GALNT13: variants seen among roughly 807,000 people sequenced by gnomAD.
GALNT13 encodes UDP-GalNAc:polypeptide N-acetylgalactosaminyltransferase 13.
In GALNT13, 28 loss-of-function variants were observed where a neutral mutation model predicts 64.2. That is an observed-to-expected ratio of 0.44 (90% CI 0.32 to 0.60). The LOEUF (loss-of-function observed/expected upper bound fraction) is 0.60, where lower values mean the gene tolerates loss of function less well. Among genes scored for constraint, GALNT13 ranks in the 20% least tolerant of loss-of-function variants. The pLI, the probability that GALNT13 is intolerant of heterozygous loss-of-function variation, is 0.05. For synonymous variants in GALNT13, 214 were observed against 224.6 expected (o/e 0.95, Z 0.42); for missense variants, 577 against 669.8 (o/e 0.86, Z 1.53).
the GALNT13 span, among the ~76,000 whole-genome samples, chr2:153,677,284 T>TACATACACACAC: frequency 1.4e-5 from 2 of 144,764 alleles, no homozygotes; most frequent in African/African-American, 5.1e-5. Flanking sequence ...ACAATAGACA[T>TACATACACACAC]ACACACACAC....
At chr2:153,188,021 A>T in the GALNT13 span, among the ~76,000 whole-genome samples, 1 of 152,062 alleles carries the variant, frequency 6.6e-6, no homozygotes, top group African/African-American at 2.4e-5. Flanking sequence ...CATGATTTTT[A>T]AAATATCACC....
At chr2:154,212,401 G>A (rs1349168792) in intron 4 of GALNT13, among the ~76,000 whole-genome samples, 2 of 151,812 alleles carry the variant, frequency 1.3e-5, no homozygotes, top group Non-Finnish European at 2.9e-5. Flanking sequence ...TCGCCACCAC[G>A]CCCGGCTAAC....
chr2:153,103,057 C>A, the GALNT13 span, among the ~76,000 whole-genome samples: 1 of 152,116 alleles, frequency 6.6e-6, no homozygotes, highest in Non-Finnish European at 1.5e-5. Context: ...CACCTCCCTC[C>A]CCACCCTTCA....
At chr2:153,384,963 G>C in the GALNT13 span, among the ~76,000 whole-genome samples, 1 of 152,016 alleles carries the variant, frequency 6.6e-6, no homozygotes, top group Non-Finnish European at 1.5e-5. Context: ...CATGTGGATT[G>C]CCACTGTTCA....
chr2:154,405,921 A>T (rs774350260), intron 10 of GALNT13, among the ~76,000 whole-genome samples: 1 of 152,110 alleles, frequency 6.6e-6, no homozygotes, highest in African/African-American at 2.4e-5. Context: ...AAGAGGGGGA[A>T]AATCCCAGAT....
the GALNT13 span, among the ~76,000 whole-genome samples, chr2:153,502,628 T>C: frequency 2.6e-3 from 390 of 152,352 alleles, 5 homozygotes; most frequent in Non-Finnish European, 1.5e-3. Context: ...TTGGATCAAA[T>C]GTTAGATCTA....
intron 4 of GALNT13, among the ~76,000 whole-genome samples, chr2:154,143,893 C>T (rs900070261): frequency 4.9e-5 from 7 of 141,926 alleles, no homozygotes; most frequent in African/African-American, 1.8e-4. Flanking sequence ...AAAAGAATCT[C>T]TTAGCTCTAG....
the GALNT13 span, among the ~76,000 whole-genome samples, chr2:153,147,378 A>G: frequency 1.3e-5 from 2 of 151,786 alleles, no homozygotes; most frequent in African/African-American, 4.8e-5. Context: ...CTTAGCAACT[A>G]AAACAGCAAA....
chr2:153,393,042 A>G, the GALNT13 span, among the ~76,000 whole-genome samples: 2 of 152,052 alleles, frequency 1.3e-5, no homozygotes, highest in Admixed American at 6.6e-5. Context: ...TTCCAGAAGT[A>G]TAAGAAATAA....
At chr2:153,161,761 T>G in the GALNT13 span, among the ~76,000 whole-genome samples, 8 of 152,198 alleles carry the variant, frequency 5.3e-5, no homozygotes, top group Non-Finnish European at 8.8e-5. Flanking sequence ...TTGTAGAGTC[T>G]TGTAAGCCAT....
At chr2:154,064,630 C>T (rs1700365370) in intron 3 of GALNT13, among the ~76,000 whole-genome samples, 1 of 152,002 alleles carries the variant, frequency 6.6e-6, no homozygotes, top group Non-Finnish European at 1.5e-5. Flanking sequence ...CACCATGGGC[C>T]AGAAGATTAC....
chr2:154,007,127 G>A (rs764037286), intron 3 of GALNT13, among the ~76,000 whole-genome samples: 4 of 152,186 alleles, frequency 2.6e-5, no homozygotes, highest in African/African-American at 7.2e-5. Flanking sequence ...TGAGAGAGAC[G>A]CTCTTACTGG....
intron 4 of GALNT13, among the ~76,000 whole-genome samples, chr2:154,187,999 G>A (rs1449972262): frequency 6.8e-6 from 1 of 147,488 alleles, no homozygotes; most frequent in Non-Finnish European, 1.5e-5. Flanking sequence ...TAGTGATGTA[G>A]CTAGGCATCA....
rs570627683 is a variant in GALNT13, at chr2:153,945,041, G to A, written c.142+402G>A. Among the ~76,000 whole-genome samples, 4 of 152,210 alleles carry A rather than the reference G, an allele frequency of 2.6e-5. No homozygotes were observed. In the East Asian group the frequency reaches 5.8e-4, roughly 22 times the overall value. ...GAGACAGGTGGCGATTTTAGCAAACGAACTGTGCATGAATGACACCGCTAA... is the reference window on the plus strand; with the variant it reads ...GAGACAGGTGGCGATTTTAGCAAACAAACTGTGCATGAATGACACCGCTAA... On this transcript the variant is annotated intron_variant, in intron 3 of 12. Transcript: ENST00000392825.
chr2:154,207,380 A>G (rs12053323), intron 4 of GALNT13, among the ~76,000 whole-genome samples: 21,489 of 151,904 alleles, frequency 0.14, 1,529 homozygotes, highest in South Asian at 0.18. Flanking sequence ...TCCGTACCCA[A>G]TTTTATTATG....
chr2:153,616,214 GT>G, the GALNT13 span, among the ~76,000 whole-genome samples: 23 of 151,554 alleles, frequency 1.5e-4, no homozygotes, highest in Non-Finnish European at 2.2e-4. Context: ...CCAAGTGTAT[GT>G]TCTTGACACC....
At chr2:154,136,955 G>GTT (rs775837031) in intron 3 of GALNT13, among the ~76,000 whole-genome samples, 1 of 149,770 alleles carries the variant, frequency 6.7e-6, no homozygotes, top group African/African-American at 2.4e-5. Flanking sequence ...GATGACAAGT[G>GTT]GTTTTTTTTT....
At chr2:153,387,898 T>C in the GALNT13 span, among the ~76,000 whole-genome samples, 3 of 152,064 alleles carry the variant, frequency 2.0e-5, no homozygotes, top group Admixed American at 2.0e-4. Flanking sequence ...GGTACAGTAG[T>C]ATTCAAAAGA....
the GALNT13 span, among the ~76,000 whole-genome samples, chr2:153,701,805 G>A: frequency 4.6e-5 from 7 of 152,130 alleles, no homozygotes; most frequent in Non-Finnish European, 8.8e-5. Context: ...AGTCAAAATG[G>A]CAATTATTAA....
Sources: allele counts gnomAD v4.1 joint callset (sites outside exome capture counted in the v4.1 genomes callset), GRCh38; gene constraint gnomAD v4.1.1; transcripts MANE v1.5; gene names NCBI Gene and HGNC (gene_info 2026-07-23, HGNC 2026-07-21).